Variants in HERC2 observed in about 807,000 individuals in gnomAD.
The protein encoded by HERC2 is E3 ubiquitin-protein ligase HERC2.
HERC2 carries 102 observed loss-of-function variants against 537.7 expected under a neutral mutation model. The ratio of observed to expected loss-of-function variants is 0.19; its 90% CI spans 0.16 to 0.22. The LOEUF (loss-of-function observed/expected upper bound fraction) is 0.22. HERC2 is among the 10% of genes least tolerant of loss of function. The pLI is 1.00. For synonymous variants in HERC2, 2,224 were observed against 2,466.2 expected (o/e 0.90, Z 2.91); for missense variants, 4,236 against 6,198.2 (o/e 0.68, Z 10.63).
chr15:28,115,576 T>TCAAAAGGATGA, intron 88 of HERC2, 35 bp from the exon 89 acceptor site: 1 of 1,528,422 alleles, frequency 6.5e-7, no homozygotes, highest in South Asian at 1.1e-5. Flanking sequence ...AGAGGACACT[T>TCAAAAGGATGA]CAAAAGGATG....
At position 28,212,175 on chromosome 15, in the gene HERC2, T is replaced by A. The variant is rs139377848; in HGVS notation, c.6925+270A>T. On this transcript the variant is annotated intron_variant, in intron 43 of 92. Coordinates refer to ENST00000261609, the MANE Select transcript of HERC2 (RefSeq NM_004667.6). ...GAGGAGGGAAGAGGTGAACACAGACTTCTCTTCCGGGATAAAGGGTGACAC... is the reference window on the plus strand; with the variant it reads ...GAGGAGGGAAGAGGTGAACACAGACATCTCTTCCGGGATAAAGGGTGACAC... Among the ~76,000 whole-genome samples the A allele has an allele frequency of 2.0e-3, 300 of 152,286 alleles. 1 individual carries two copies. The highest frequency in any genetic ancestry group is 6.7e-3 in the African/African-American group (277 of 41,552).
In HERC2 at chr15:28,113,948, A is replaced by G. The variant is rs922932961; in HGVS notation, c.13914-270T>C. Among the ~76,000 whole-genome samples, 12 of 152,172 alleles carry G rather than the reference A, an allele frequency of 7.9e-5. No individual in the cohort carries two copies. The highest frequency in any genetic ancestry group is 1.8e-4 in the Non-Finnish European group (12 of 68,032). ...AGACGCCACTCTCAGTACCCACAGG[A>G]CACCCCAGGAGAAGCCAGCACCAAG... On this transcript the variant is annotated intron_variant, in intron 90 of 92. Coordinates refer to ENST00000261609, the MANE Select transcript of HERC2 (RefSeq NM_004667.6). The surrounding 1 kb of genome is among the most constrained non-coding windows in gnomAD (Gnocchi z 7.0).
At chr15:28,123,897 C>T (rs1200009693) in intron 85 of HERC2, 140 bp downstream of exon 85, 2 of 589,824 alleles carry the variant, frequency 3.4e-6, no homozygotes, top group South Asian at 4.1e-5. Flanking sequence ...AGAACAGAGC[C>T]TGGCATGCAG....
Position 28,130,208 on chromosome 15 carries a change from C to A in HERC2, c.12757G>T (p.Ala4253Ser), listed in dbSNP as rs145535698. The A allele has an allele frequency of 6.2e-7, 1 of 1,614,182 alleles. No homozygotes were observed. The highest frequency in any genetic ancestry group is 8.5e-7 in the Non-Finnish European group (1 of 1,180,028). Residue 4253 changes from alanine (A) to serine (S), a missense_variant, in exon 83 of 93, where the codon GCC becomes TCC. Ala to Ser is a moderately conservative substitution (Grantham distance 99, BLOSUM62 1). Coordinates refer to ENST00000261609, the MANE Select transcript of HERC2 (RefSeq NM_004667.6). ...CAGTGCAGGGAGCCAGTGGCGATGGCGATGACTTTCTTCCCCTGCAACCCT... is the reference window on the plus strand; with the variant it reads ...CAGTGCAGGGAGCCAGTGGCGATGGAGATGACTTTCTTCCCCTGCAACCCT... Reference protein sequence around the residue: ...VQGLQGKKVIAIATGSLHCVC... With the variant: ...VQGLQGKKVISIATGSLHCVC...
chr15:28,115,201 A>G (rs1888087368), intron 89 of HERC2: 9 of 521,666 alleles, frequency 1.7e-5, no homozygotes, highest in Admixed American at 3.4e-5. Flanking sequence ...CAGGGGAGGC[A>G]GTGAGCTTCC....
rs1484684882 is a variant in HERC2 at position 28,143,765 on chromosome 15, T to C, written c.11418+108A>G. 5 of 1,422,270 alleles carry C rather than the reference T, an allele frequency of 3.5e-6. No individual in the cohort carries two copies. In the African/African-American group the frequency reaches 5.7e-5, roughly 16 times the overall value. The allele number at this position is 1,422,270 out of a possible 1,614,324, so 88.1% of individuals were successfully genotyped here. ...CCGGTCCAAGGCCTCCTTATTCTTATGTGAAACTCCCCAACTCCTCTCAAC... is the reference window on the plus strand; with the variant it reads ...CCGGTCCAAGGCCTCCTTATTCTTACGTGAAACTCCCCAACTCCTCTCAAC... On this transcript the variant is annotated intron_variant, in intron 74 of 92. Transcript: ENST00000261609.
At chr15:28,134,128 T>C (rs1335392355) in intron 79 of HERC2, among the ~76,000 whole-genome samples, 1 of 152,180 alleles carries the variant, frequency 6.6e-6, no homozygotes, top group African/African-American at 2.4e-5. Flanking sequence ...CGACTTTAGG[T>C]TTTTTAAAAA....
intron 4 of HERC2, among the ~76,000 whole-genome samples, chr15:28,282,905 T>A (rs924559944): frequency 6.9e-6 from 1 of 145,390 alleles, no homozygotes; most frequent in Non-Finnish European, 1.5e-5. Flanking sequence ...CACTCCAGCC[T>A]GGGAAACAGG....
intron 50 of HERC2, 114 bp downstream of exon 50, chr15:28,198,262 CTA>C: frequency 8.2e-7 from 1 of 1,217,308 alleles, no homozygotes. Context: ...AAGGAACACT[CTA>C]TCTTTCTTCA....
chr15:28,313,980 C>T (rs979077844), intron 2 of HERC2, among the ~76,000 whole-genome samples: 1 of 152,164 alleles, frequency 6.6e-6, no homozygotes, highest in African/African-American at 2.4e-5. Flanking sequence ...CAAAGGGCCA[C>T]ACACCAGAAA....
intron 69 of HERC2, among the ~76,000 whole-genome samples, chr15:28,158,311 G>T (rs1566954045): frequency 1.3e-5 from 2 of 152,144 alleles, no homozygotes; most frequent in Non-Finnish European, 2.9e-5. Context: ...CTGTCTCATG[G>T]ATCTGTCTAA....
At chr15:28,167,038 T>C (rs1283513959) in intron 68 of HERC2, among the ~76,000 whole-genome samples, 1 of 152,116 alleles carries the variant, frequency 6.6e-6, no homozygotes, top group African/African-American at 2.4e-5. Context: ...ATGTGAACAA[T>C]GAAAATGTGA....
chr15:28,249,405 C>T (rs1413098429), intron 20 of HERC2, among the ~76,000 whole-genome samples: 3 of 152,122 alleles, frequency 2.0e-5, no homozygotes, highest in African/African-American at 7.2e-5. Flanking sequence ...TGACTTGAGC[C>T]ATGAGCCATT....
intron 2 of HERC2, chr15:28,315,728 GC>G: frequency 8.2e-7 from 1 of 1,224,358 alleles, no homozygotes; most frequent in Non-Finnish European, 1.2e-6. Context: ...GAATGCGCAG[GC>G]TGAAGCGCAA....
intron 68 of HERC2, among the ~76,000 whole-genome samples, chr15:28,164,022 T>C (rs1401420165): frequency 2.0e-5 from 3 of 152,160 alleles, no homozygotes; most frequent in African/African-American, 7.2e-5. Context: ...AGGGCAGCAC[T>C]GGGGCTGAGC....
chr15:28,256,881 C>A (rs1436469154), intron 17 of HERC2, among the ~76,000 whole-genome samples, 180 bp downstream of exon 17: 1 of 152,228 alleles, frequency 6.6e-6, no homozygotes, highest in Non-Finnish European at 1.5e-5. Context: ...AGGCGTGAGC[C>A]ACCGCGCCCA....
At chr15:28,201,094 C>CCCCTCTGT (rs2140334526) in intron 48 of HERC2, among the ~76,000 whole-genome samples, 1 of 150,120 alleles carries the variant, frequency 6.7e-6, no homozygotes, top group Non-Finnish European at 1.5e-5. Context: ...AGCCCATCTG[C>CCCCTCTGT]CCCTCTGTCC....
chr15:28,289,102 C>T (rs1292892862), intron 4 of HERC2, among the ~76,000 whole-genome samples: 59 of 151,208 alleles, frequency 3.9e-4, no homozygotes, highest in Middle Eastern at 6.8e-3. Context: ...TAACTGAAAA[C>T]GCCAGAGATG....
At chr15:28,245,467 A>C (rs1263145977) in intron 23 of HERC2, among the ~76,000 whole-genome samples, 1 of 151,468 alleles carries the variant, frequency 6.6e-6, no homozygotes, top group African/African-American at 2.4e-5. Context: ...GAATCACTTG[A>C]GCCCAGGAGG....
Sources: allele counts gnomAD v4.1 joint callset (sites outside exome capture counted in the v4.1 genomes callset), GRCh38; gene constraint gnomAD v4.1.1; non-coding constraint Gnocchi (gnomAD v3.1); transcripts MANE v1.5; gene names NCBI Gene and HGNC (gene_info 2026-07-23, HGNC 2026-07-21).